ATL1: variants seen among roughly 807,000 people sequenced by gnomAD.
ATL1 encodes the protein atlastin-1.
In ATL1, 31 loss-of-function variants were observed where a neutral mutation model predicts 75.5. The observed-to-expected ratio is 0.41, with a 90% confidence interval of 0.31 to 0.55. ATL1 has a LOEUF of 0.55. Ranked by LOEUF, ATL1 falls within the 20% of genes least tolerant of loss-of-function variation. The pLI is 0.27. For missense variants in ATL1, 405 were observed against 662.6 expected (o/e 0.61, Z 4.27); for synonymous variants, 226 against 233.3 (o/e 0.97, Z 0.28).
At chr14:50,575,358 A>G (rs1467151433) in intron 1 of ATL1, among the ~76,000 whole-genome samples, 1 of 152,162 alleles carries the variant, frequency 6.6e-6, no homozygotes, top group Non-Finnish European at 1.5e-5. Context: ...CTTCAAGGCT[A>G]TCATTAACAG....
chr14:50,610,810 A>G (rs138519210), intron 6 of ATL1, among the ~76,000 whole-genome samples: 7 of 152,320 alleles, frequency 4.6e-5, no homozygotes, highest in African/African-American at 1.4e-4. Flanking sequence ...GAAGGCTTAC[A>G]GTCTATAAAT....
At chr14:50,618,267 A>G (rs1378641665) in intron 8 of ATL1, among the ~76,000 whole-genome samples, 2 of 152,220 alleles carry the variant, frequency 1.3e-5, no homozygotes, top group Non-Finnish European at 2.9e-5. Flanking sequence ...GAAACCTATT[A>G]GTGTCAGTGA....
chr14:50,535,877 A>G (rs1175137220), intron 1 of ATL1, among the ~76,000 whole-genome samples: 1 of 152,218 alleles, frequency 6.6e-6, no homozygotes, highest in Non-Finnish European at 1.5e-5. Context: ...GGTAGGAGGT[A>G]ATGAATCATG....
chr14:50,605,144 A>C (rs989608715), intron 6 of ATL1, among the ~76,000 whole-genome samples: 9 of 151,800 alleles, frequency 5.9e-5, no homozygotes, highest in African/African-American at 2.2e-4. Flanking sequence ...TTTTCTGCCC[A>C]TATCCTTGGA....
At chr14:50,602,407 C>T (rs2039279870) in intron 6 of ATL1, among the ~76,000 whole-genome samples, 3 of 152,180 alleles carry the variant, frequency 2.0e-5, no homozygotes, top group Non-Finnish European at 4.4e-5. Context: ...TGTATTATAC[C>T]TTTAAATGTA....
chr14:50,554,110 T>C (rs200064971), intron 1 of ATL1, among the ~76,000 whole-genome samples: 1 of 112,502 alleles, frequency 8.9e-6, no homozygotes, highest in Non-Finnish European at 1.8e-5. Flanking sequence ...TTTTAAAAAG[T>C]TTTTTTTTTT....
In ATL1 at chr14:50,620,546, T is replaced by C. The variant is rs140892523; in HGVS notation, c.863-53T>C. 6 of 1,573,298 alleles carry C rather than the reference T, an allele frequency of 3.8e-6. No homozygotes were observed. In the African/African-American group the frequency reaches 8.1e-5, roughly 21 times the overall value. On this transcript the variant is annotated intron_variant, in intron 8 of 13. Coordinates refer to ENST00000358385, the MANE Select transcript of ATL1 (RefSeq NM_015915.5). ...TCAAAGGATGTTTTATTCTGTGGCA[T>C]GGAGGACTGGGAAGGATTCCAAAAA...
At chr14:50,578,599 C>CT (rs35879287) in intron 1 of ATL1, among the ~76,000 whole-genome samples, 1 of 152,042 alleles carries the variant, frequency 6.6e-6, no homozygotes, top group South Asian at 2.1e-4. Context: ...CTCCCACACA[C>CT]TTTTTTTTCA....
At chr14:50,582,407 T>C (rs1469765023) in intron 1 of ATL1, among the ~76,000 whole-genome samples, 2 of 151,486 alleles carry the variant, frequency 1.3e-5, no homozygotes, top group South Asian at 2.1e-4. Flanking sequence ...TACAAACTTT[T>C]CTCTTTTTTT....
At chr14:50,603,399 C>T (rs1213647067) in intron 6 of ATL1, among the ~76,000 whole-genome samples, 3 of 152,126 alleles carry the variant, frequency 2.0e-5, no homozygotes, top group Non-Finnish European at 2.9e-5. Flanking sequence ...TCTTCACATT[C>T]CTTTCAGTGG....
chr14:50,630,538 G>C (rs1471185200), intron 13 of ATL1, among the ~76,000 whole-genome samples: 1 of 152,176 alleles, frequency 6.6e-6, no homozygotes, highest in East Asian at 1.9e-4. Context: ...CCGCACATGT[G>C]CAACACTACA....
intron 1 of ATL1, among the ~76,000 whole-genome samples, chr14:50,553,629 A>T (rs2038730353): frequency 1.3e-5 from 2 of 152,198 alleles, no homozygotes; most frequent in Non-Finnish European, 2.9e-5. Flanking sequence ...ATAAGTCATT[A>T]TGTGAAAAAG....
At chr14:50,597,019 G>A (rs572483569) in intron 6 of ATL1, among the ~76,000 whole-genome samples, 2 of 152,116 alleles carry the variant, frequency 1.3e-5, no homozygotes, top group Admixed American at 1.3e-4. Flanking sequence ...AGACCAGCCT[G>A]ACCAATATGG....
chr14:50,621,937 A>C (rs545276695), intron 10 of ATL1, 38 bp downstream of exon 10: 1 of 1,358,792 alleles, frequency 7.4e-7, no homozygotes, highest in South Asian at 1.2e-5. Flanking sequence ...AAGACACGTG[A>C]CTAAGGCTAA....
At chr14:50,574,937 GTATATATATATATA>G (rs71118894) in intron 1 of ATL1, among the ~76,000 whole-genome samples, 278 of 23,168 alleles carry the variant, frequency 0.012, 6 homozygotes, top group African/African-American at 0.049. Context: ...GTGTGTGTGT[GTATATATATATATA>G]TATATATATA....
At chr14:50,565,018 A>ATACC (rs1021337829) in intron 1 of ATL1, among the ~76,000 whole-genome samples, 4 of 152,040 alleles carry the variant, frequency 2.6e-5, no homozygotes, top group African/African-American at 4.8e-5. Flanking sequence ...TGGACACGGT[A>ATACC]GCTCATGCCT....
intron 1 of ATL1, among the ~76,000 whole-genome samples, chr14:50,535,353 C>T (rs1054124694): frequency 2.0e-5 from 3 of 152,160 alleles, no homozygotes; most frequent in African/African-American, 7.2e-5. Context: ...GCTAATTAAA[C>T]CTTCAAGTGT....
At chr14:50,573,938 T>G (rs1185099866) in intron 1 of ATL1, among the ~76,000 whole-genome samples, 1 of 152,198 alleles carries the variant, frequency 6.6e-6, no homozygotes, top group African/African-American at 2.4e-5. Flanking sequence ...GTCTATTTTA[T>G]CTGATATTAA....
intron 1 of ATL1, among the ~76,000 whole-genome samples, chr14:50,543,880 G>T (rs1269187235): frequency 2.0e-5 from 3 of 152,148 alleles, no homozygotes; most frequent in African/African-American, 4.8e-5. Context: ...TAGTGCCCAA[G>T]GGATTGATAC....
Sources: gnomAD v4.1 joint callset for allele counts (sites outside exome capture counted in the v4.1 genomes callset) on GRCh38, gnomAD v4.1.1 for gene constraint, MANE v1.5 for transcripts, NCBI Gene and HGNC (gene_info 2026-07-23, HGNC 2026-07-21) for gene names.